Variants in TTC7A observed in about 807,000 individuals in gnomAD.
The protein encoded by TTC7A is tetratricopeptide repeat protein 7A.
TTC7A carries 110 observed loss-of-function variants against 103.7 expected under a neutral mutation model. The observed-to-expected ratio is 1.06, with a 90% CI of 0.91 to 1.24. TTC7A has a LOEUF of 1.24. Ranked by LOEUF, TTC7A falls within the 50% of genes most tolerant of loss-of-function variation. The pLI is 0.00. For missense variants in TTC7A, 1,340 were observed against 1,116.3 expected (o/e 1.20, Z -2.86); for synonymous variants, 521 against 467.9 (o/e 1.11, Z -1.47).
chr2:46,970,107 T>C (rs908435327), intron 3 of TTC7A, among the ~76,000 whole-genome samples: 1 of 152,074 alleles, frequency 6.6e-6, no homozygotes, highest in Admixed American at 6.5e-5. Flanking sequence ...CTCCCACCTC[T>C]GTCTTCTGAG....
chr2:46,923,837 A>T (rs1669239960), intron 2 of TTC7A, among the ~76,000 whole-genome samples: 1 of 151,942 alleles, frequency 6.6e-6, no homozygotes, highest in South Asian at 2.1e-4. Context: ...GGTTCAAGCA[A>T]ATCTCTTGCC....
intron 8 of TTC7A, among the ~76,000 whole-genome samples, chr2:46,996,204 AGGG>A (rs951197405): frequency 6.6e-6 from 1 of 152,328 alleles, no homozygotes; most frequent in Non-Finnish European, 1.5e-5. Context: ...ACTGGTCCAA[AGGG>A]GGCACAGGAA....
At chr2:46,961,005 A>G (rs936322018) in intron 3 of TTC7A, among the ~76,000 whole-genome samples, 6 of 152,070 alleles carry the variant, frequency 3.9e-5, no homozygotes, top group Non-Finnish European at 8.8e-5. Context: ...TGTTCAGAAA[A>G]TTTGCTTTTA....
chr2:46,979,883 G>A (rs1198184463), intron 5 of TTC7A, among the ~76,000 whole-genome samples: 1 of 152,178 alleles, frequency 6.6e-6, no homozygotes, highest in African/African-American at 2.4e-5. Flanking sequence ...TCACTGACGA[G>A]AGGAGCAGAC....
chr2:46,930,719 C>G (rs1471154835), intron 2 of TTC7A, among the ~76,000 whole-genome samples: 1 of 152,014 alleles, frequency 6.6e-6, no homozygotes, highest in East Asian at 1.9e-4. Flanking sequence ...AAGCTGGTCT[C>G]GAACTCCTGA....
At chr2:47,022,033 C>G (rs1679350504) in intron 12 of TTC7A, 54 bp downstream of exon 12, 1 of 1,377,660 alleles carries the variant, frequency 7.3e-7, no homozygotes, top group Admixed American at 1.8e-5. Context: ...GGCTTCCTAA[C>G]TGCCTCAGAG....
At chr2:47,038,237 C>T (rs1021705594) in intron 15 of TTC7A, among the ~76,000 whole-genome samples, 5 of 147,824 alleles carry the variant, frequency 3.4e-5, no homozygotes, top group African/African-American at 7.6e-5. Context: ...CCAGCTTGGG[C>T]GTCAGAGCGA....
At chr2:46,953,900 C>T (rs780916794) in intron 2 of TTC7A, among the ~76,000 whole-genome samples, 11 of 150,810 alleles carry the variant, frequency 7.3e-5, no homozygotes, top group Non-Finnish European at 1.2e-4. Flanking sequence ...GGGTTTCAAG[C>T]GATCCTCTTG....
intron 8 of TTC7A, among the ~76,000 whole-genome samples, chr2:47,004,723 C>G (rs1418500139): frequency 6.6e-6 from 1 of 151,930 alleles, no homozygotes; most frequent in African/African-American, 2.4e-5. Flanking sequence ...GCCCAGAACA[C>G]AGCTCTGCCC....
chr2:47,018,992 C>T (rs191448433), intron 11 of TTC7A, among the ~76,000 whole-genome samples: 13 of 152,232 alleles, frequency 8.5e-5, no homozygotes, highest in East Asian at 5.8e-4. Flanking sequence ...GGGCTGATTC[C>T]GGAGTTGGGT....
At chr2:47,012,298 A>T (rs1300258872) in intron 11 of TTC7A, among the ~76,000 whole-genome samples, 2 of 152,146 alleles carry the variant, frequency 1.3e-5, no homozygotes, top group Non-Finnish European at 2.9e-5. Context: ...TCAGCCTCCT[A>T]TTTCTACCCT....
upstream of TTC7A, among the ~76,000 whole-genome samples, chr2:46,936,786 C>A (rs1441150800): frequency 6.6e-6 from 1 of 151,944 alleles, no homozygotes; most frequent in East Asian, 1.9e-4. Context: ...AAAGTGAACA[C>A]AATTCCAAAC....
chr2:47,060,990 C>G lies in TTC7A; in HGVS notation c.2355+19C>G, dbSNP rs762272685. The G allele has an allele frequency of 1.3e-6, 2 of 1,572,584 alleles. No homozygotes were observed. The highest frequency in any genetic ancestry group is 1.7e-6 in the Non-Finnish European group (2 of 1,156,598). ...TAGCCTGGTGAGTCAGAGCCCCCCG[C>G]GCTCCCACCACCTCCTCCCACAGCC... On this transcript the variant is annotated intron_variant, in intron 19 of 19. Coordinates refer to ENST00000319190, the MANE Select transcript of TTC7A (RefSeq NM_020458.4).
intron 2 of TTC7A, chr2:46,956,547 A>C (rs1300641463): frequency 5.6e-6 from 2 of 358,304 alleles, no homozygotes; most frequent in Non-Finnish European, 1.0e-5. Flanking sequence ...AGGAGAGGGA[A>C]GACAGGGCCT....
chr2:46,922,421 C>T (rs1165012152), intron 2 of TTC7A, among the ~76,000 whole-genome samples: 1 of 152,132 alleles, frequency 6.6e-6, no homozygotes, highest in Non-Finnish European at 1.5e-5. Context: ...TATCTGCCTG[C>T]TATACATTTT....
intron 11 of TTC7A, among the ~76,000 whole-genome samples, chr2:47,020,642 G>A (rs916775829): frequency 5.3e-5 from 8 of 152,236 alleles, no homozygotes; most frequent in Non-Finnish European, 8.8e-5. Flanking sequence ...AGCCTCTCCC[G>A]CCGTCTCCCT....
intron 2 of TTC7A, among the ~76,000 whole-genome samples, chr2:46,921,405 C>T (rs1422679535): frequency 6.6e-6 from 1 of 152,116 alleles, no homozygotes; most frequent in Non-Finnish European, 1.5e-5. Context: ...ATTATAATAG[C>T]ATCCCAGAAC....
At position 47,007,227 on chromosome 2, in the gene TTC7A, G is replaced by A. The variant is rs934881011; in HGVS notation, c.1287+503G>A. Reference sequence around the variant, plus strand: ...GGAGTACTGCATGATGCATGGGGCTGGGAGCACCTGCATGGGGACAGGGCC... The same window carrying A: ...GGAGTACTGCATGATGCATGGGGCTAGGAGCACCTGCATGGGGACAGGGCC... On this transcript the variant is annotated intron_variant, in intron 10 of 19. Transcript: ENST00000319190. This position sits in a 1 kb window ranked among gnomAD's most constrained non-coding sequence, Gnocchi z 4.9. 9.9e-5 allele frequency among the ~76,000 whole-genome samples: 15 copies of A among 152,252 alleles called. No homozygotes were observed. Among genetic ancestry groups the A allele is most frequent in the Admixed American group, 3.9e-4 (6 of 15,310 alleles).
chr2:47,035,697 G>A (rs1315495857), intron 15 of TTC7A: 7 of 152,256 alleles, frequency 4.6e-5, no homozygotes, highest in Non-Finnish European at 7.3e-5. Context: ...CAAAGGTGAT[G>A]GTAACCCTTT....
Sources: gnomAD v4.1 joint callset for allele counts (sites outside exome capture counted in the v4.1 genomes callset) on GRCh38, gnomAD v4.1.1 for gene constraint, Gnocchi (gnomAD v3.1) non-coding constraint, MANE v1.5 for transcripts, NCBI Gene and HGNC (gene_info 2026-07-23, HGNC 2026-07-21) for gene names.